JAK1: variants seen among roughly 807,000 people sequenced by gnomAD.
JAK1 encodes the protein tyrosine-protein kinase JAK1.
JAK1 carries 16 observed loss-of-function variants against 136.6 expected under a neutral mutation model. The observed-to-expected ratio is 0.12, with a 90% CI of 0.08 to 0.18. The LOEUF is 0.18. Ranked by LOEUF, JAK1 falls within the 10% of genes least tolerant of loss-of-function variation. JAK1 has a pLI of 1.00. For synonymous variants in JAK1, 492 were observed against 519.5 expected (o/e 0.95, Z 0.72); for missense variants, 859 against 1,450.1 (o/e 0.59, Z 6.62).
At chr1:64,994,975 A>G (rs906069194) in intron 2 of JAK1, 2 of 148,132 alleles carry the variant, frequency 1.4e-5, no homozygotes, top group African/African-American at 5.3e-5. Context: ...AAAAAAAAAA[A>G]AAAAAACCTA....
At chr1:64,971,525 C>T (rs188000096), upstream of JAK1, among the ~76,000 whole-genome samples, 7 of 151,638 alleles carry the variant, frequency 4.6e-5, no homozygotes, top group East Asian at 5.9e-4. Flanking sequence ...TTTGCAGAGA[C>T]GCGGTTTCAT....
rs61784700 is a variant in JAK1, at chr1:64,854,838, T to C, written c.1648+671A>G. On this transcript the variant is annotated intron_variant, in intron 11 of 24. Coordinates refer to ENST00000342505, the MANE Select transcript of JAK1 (RefSeq NM_002227.4). ...CACCTTCCTTCCACCTTCACCTTCA[T>C]GGCAGCCCCCGCCCATGCCTCTGTT... Among the ~76,000 whole-genome samples, 940 of 152,170 alleles carry C rather than the reference T, an allele frequency of 6.2e-3. 6 individuals carry two copies. Among genetic ancestry groups the C allele is most frequent in the Non-Finnish European group, 0.011 (733 of 67,986 alleles).
chr1:64,863,462 T>C (rs1263522696), intron 8 of JAK1, among the ~76,000 whole-genome samples: 2 of 152,220 alleles, frequency 1.3e-5, no homozygotes, highest in African/African-American at 2.4e-5. Context: ...TTAACATCCA[T>C]CTGAGCTCTT....
chr1:64,924,238 T>C (rs1288999687), intron 1 of JAK1, among the ~76,000 whole-genome samples: 1 of 152,186 alleles, frequency 6.6e-6, no homozygotes, highest in African/African-American at 2.4e-5. Context: ...ATTTACAAAG[T>C]AGTGGCATTC....
At position 64,846,809 on chromosome 1, in the gene JAK1, G is replaced by A. The variant is rs1228507139; in HGVS notation, c.1900-73C>T. 8 of 1,189,572 alleles carry A rather than the reference G, an allele frequency of 6.7e-6. No homozygotes were observed. In the African/African-American group the frequency reaches 1.0e-4, roughly 16 times the overall value. 73.7% of individuals were successfully genotyped at this position (1,189,572 alleles called of 1,614,324 possible). Reference sequence around the variant, plus strand: ...GCTGCTCCCCAGGGGCTCTGTTGAGGGGAAAGCCAGTGGACCCAGGAAAGC... The same window carrying A: ...GCTGCTCCCCAGGGGCTCTGTTGAGAGGAAAGCCAGTGGACCCAGGAAAGC... On this transcript the variant is annotated intron_variant, in intron 13 of 24. Coordinates refer to ENST00000342505, the MANE Select transcript of JAK1 (RefSeq NM_002227.4).
chr1:64,834,630 C>T lies in JAK1; in HGVS notation c.3397G>A (p.Glu1133Lys). ...EVYQLMRKCW[E>K]FQPSNRTSFQ... The stretch of plus-strand genomic sequence containing the variant: ...CTTGTCCGATTGGATGGTTGGAATT[C>T]CCAGCATTTCCTCATAAGTTGATAA... Residue 1133 changes from glutamate (E) to lysine (K), a missense_variant, in exon 25 of 25, where the codon GAA becomes AAA. By Grantham distance (56) the Glu-to-Lys change is moderately conservative. Transcript: ENST00000342505. 6.2e-7 allele frequency: 1 copy of T among 1,611,352 alleles called. No individual in the cohort carries two copies. Among genetic ancestry groups the T allele is most frequent in the African/African-American group, 1.3e-5 (1 of 74,954 alleles).
intron 2 of JAK1, chr1:64,985,431 G>A (rs1646589301): frequency 3.1e-6 from 5 of 1,608,232 alleles, no homozygotes; most frequent in East Asian, 4.5e-5. Context: ...GATCTCCTTA[G>A]CATTCTCCTC....
upstream of JAK1, among the ~76,000 whole-genome samples, chr1:64,970,142 A>AAAAAAAAAC (rs1388511339): frequency 2.7e-5 from 4 of 148,524 alleles, no homozygotes; most frequent in African/African-American, 9.9e-5. Context: ...CTCAAAAAAA[A>AAAAAAAAAC]AAAAAAAAAA....
At chr1:64,950,038 C>T (rs995152601) in intron 1 of JAK1, among the ~76,000 whole-genome samples, 3 of 152,104 alleles carry the variant, frequency 2.0e-5, no homozygotes, top group East Asian at 3.8e-4. Flanking sequence ...TTACATAATA[C>T]AGTACATATT....
chr1:64,903,279 G>A (rs764487376), intron 1 of JAK1, among the ~76,000 whole-genome samples: 6 of 152,090 alleles, frequency 3.9e-5, no homozygotes, highest in Non-Finnish European at 8.8e-5. Flanking sequence ...CACCGGCCTC[G>A]GCCTCCCAAA....
chr1:65,057,203 T>C (rs1217604023), intron 1 of JAK1, among the ~76,000 whole-genome samples: 1 of 152,206 alleles, frequency 6.6e-6, no homozygotes, highest in African/African-American at 2.4e-5. Context: ...TACTGTGATC[T>C]AAGATCTAAC....
At chr1:65,036,448 T>C (rs1315464191) in intron 2 of JAK1, among the ~76,000 whole-genome samples, 1 of 151,894 alleles carries the variant, frequency 6.6e-6, no homozygotes, top group African/African-American at 2.4e-5. Context: ...GCCAAAGTTA[T>C]AAGGGAGCAG....
intron 1 of JAK1, among the ~76,000 whole-genome samples, chr1:64,953,770 C>G (rs1435325930): frequency 6.6e-6 from 1 of 152,180 alleles, no homozygotes; most frequent in Non-Finnish European, 1.5e-5. Flanking sequence ...TGCAATTCTC[C>G]CGCCTCAGCC....
At chr1:65,010,273 TTC>T (rs1424149718) in intron 2 of JAK1, among the ~76,000 whole-genome samples, 2 of 152,130 alleles carry the variant, frequency 1.3e-5, no homozygotes, top group African/African-American at 4.8e-5. Context: ...TGGCTTCCTG[TTC>T]TCTCTTATGC....
intron 1 of JAK1, among the ~76,000 whole-genome samples, chr1:64,899,993 G>C (rs531519750): frequency 1.6e-3 from 237 of 152,322 alleles, no homozygotes; most frequent in African/African-American, 5.4e-3. Flanking sequence ...CAAGGTGTTT[G>C]TGATAGTAGT....
intron 1 of JAK1, among the ~76,000 whole-genome samples, chr1:64,895,003 C>T (rs973276426): frequency 6.6e-6 from 1 of 152,134 alleles, no homozygotes; most frequent in African/African-American, 2.4e-5. Context: ...GCAGCAGCAT[C>T]AGGGCAGAGC....
chr1:65,030,202 A>G (rs140235153), intron 2 of JAK1, among the ~76,000 whole-genome samples: 13 of 152,294 alleles, frequency 8.5e-5, no homozygotes, highest in East Asian at 5.8e-4. Context: ...CAAACCAGGA[A>G]GAGAGCTCTC....
intron 2 of JAK1, chr1:64,985,530 C>A: frequency 7.0e-7 from 1 of 1,433,726 alleles, no homozygotes; most frequent in Non-Finnish European, 9.8e-7. Context: ...GATGGGAAAG[C>A]CTAATAGCAC....
chr1:64,937,408 G>A (rs142280657), intron 1 of JAK1, among the ~76,000 whole-genome samples: 66 of 152,158 alleles, frequency 4.3e-4, no homozygotes, highest in African/African-American at 1.5e-3. Flanking sequence ...TAGTTGTATG[G>A]AGTCATTCAA....
Sources: allele counts gnomAD v4.1 joint callset (sites outside exome capture counted in the v4.1 genomes callset), GRCh38; gene constraint gnomAD v4.1.1; transcripts MANE v1.5; gene names NCBI Gene and HGNC (gene_info 2026-07-23, HGNC 2026-07-21).